Variants in CNTN4 observed in about 807,000 individuals in gnomAD.
CNTN4 encodes contactin-4.
A neutral mutation model predicts 122.5 loss-of-function variants in CNTN4; 77 were observed. The ratio of observed to expected loss-of-function variants is 0.63; its 90% confidence interval spans 0.52 to 0.76. The LOEUF (loss-of-function observed/expected upper bound fraction) is 0.76. Among genes scored for constraint, CNTN4 ranks in the 30% least tolerant of loss-of-function variants. The pLI is 0.00. For synonymous variants in CNTN4, 512 were observed against 447.0 expected, an observed-to-expected ratio of 1.15 and a Z score of -1.83; for missense variants, 1,256 against 1,259.1, an observed-to-expected ratio of 1.00 and a Z score of 0.04.
intron 13 of CNTN4, among the ~76,000 whole-genome samples, chr3:2,939,349 A>C (rs1441830772): frequency 2.0e-5 from 3 of 152,072 alleles, no homozygotes; most frequent in Non-Finnish European, 4.4e-5. Flanking sequence ...GACTCCATTA[A>C]ATAGAGTAGG....
chr3:2,450,622 C>T (rs546951829), intron 3 of CNTN4, among the ~76,000 whole-genome samples: 54 of 151,656 alleles, frequency 3.6e-4, no homozygotes, highest in Middle Eastern at 3.4e-3. Context: ...AGGTTTTTAC[C>T]GGTTAAAAAA....
intron 2 of CNTN4, among the ~76,000 whole-genome samples, chr3:2,175,751 G>T (rs1167638447): frequency 6.6e-6 from 1 of 152,098 alleles, no homozygotes; most frequent in Non-Finnish European, 1.5e-5. Context: ...CTGGCTAACT[G>T]GTGTGTTGAA....
At chr3:2,354,353 A>G (rs746231578) in intron 3 of CNTN4, among the ~76,000 whole-genome samples, 1 of 152,150 alleles carries the variant, frequency 6.6e-6, no homozygotes, top group African/African-American at 2.4e-5. Context: ...CAATGTGGCG[A>G]AACCCCATCT....
chr3:2,745,874 G>A (rs2089723448), intron 6 of CNTN4, among the ~76,000 whole-genome samples, 177 bp downstream of exon 6: 1 of 152,120 alleles, frequency 6.6e-6, no homozygotes. Flanking sequence ...GTAAATCTAA[G>A]TGAGAAGATG....
rs755122975 is a variant in CNTN4 at position 2,746,024 on chromosome 3, A to ACC, written c.358+328_358+329insCC. The stretch of plus-strand genomic sequence containing the variant: ...TATGTAAACAACAAATTTGACACCC[A>ACC]CACACACCCACACACACACATTTTA... On this transcript the variant is annotated intron_variant, in intron 6 of 24. Coordinates refer to ENST00000418658, the MANE Select transcript of CNTN4 (RefSeq NM_175607.3). Among the ~76,000 whole-genome samples, 233 of 133,592 alleles carry ACC rather than the reference A, an allele frequency of 1.7e-3. 29 individuals are homozygous for ACC. Among genetic ancestry groups the ACC allele is most frequent in the Middle Eastern group, 4.0e-3 (1 of 250 alleles). 87.6% of individuals were successfully genotyped at this position (133,592 alleles called of 152,430 possible).
At chr3:2,492,951 G>A (rs1428348361) in intron 3 of CNTN4, among the ~76,000 whole-genome samples, 2 of 152,004 alleles carry the variant, frequency 1.3e-5, no homozygotes, top group Non-Finnish European at 2.9e-5. Context: ...TTAATTCTAT[G>A]AACATAAAAA....
intron 6 of CNTN4, among the ~76,000 whole-genome samples, chr3:2,768,650 G>T (rs574015055): frequency 6.6e-6 from 1 of 152,106 alleles, no homozygotes; most frequent in South Asian, 2.1e-4. Context: ...AATTGTCACC[G>T]TGTCCACAGA....
At chr3:2,323,672 G>C (rs886179889) in intron 2 of CNTN4, among the ~76,000 whole-genome samples, 1 of 151,990 alleles carries the variant, frequency 6.6e-6, no homozygotes, top group Admixed American at 6.5e-5. Context: ...GCAGAATTTG[G>C]TCAAAGCAAC....
chr3:2,244,675 T>G (rs571126489), intron 2 of CNTN4, among the ~76,000 whole-genome samples: 1 of 152,164 alleles, frequency 6.6e-6, no homozygotes, highest in South Asian at 2.1e-4. Context: ...ATATTTCCAT[T>G]GGACAGTCCT....
At chr3:2,463,352 C>T (rs2049299270) in intron 3 of CNTN4, among the ~76,000 whole-genome samples, 1 of 152,152 alleles carries the variant, frequency 6.6e-6, no homozygotes, top group African/African-American at 2.4e-5. Context: ...GTGGGAGGAC[C>T]TACCAATTTA....
At chr3:2,612,393 T>G (rs1194750623) in intron 4 of CNTN4, among the ~76,000 whole-genome samples, 5 of 152,078 alleles carry the variant, frequency 3.3e-5, no homozygotes, top group African/African-American at 1.2e-4. Flanking sequence ...GTACAGAAAC[T>G]TAAAAACAAA....
intron 2 of CNTN4, among the ~76,000 whole-genome samples, chr3:2,169,319 C>T (rs2727933): frequency 0.7 from 106,691 of 152,074 alleles, 37,659 homozygotes; most frequent in Admixed American, 0.75. Flanking sequence ...ATAAATTCCA[C>T]ATCTCTATTT....
chr3:2,561,622 C>G (rs1418577621), intron 3 of CNTN4, among the ~76,000 whole-genome samples: 3 of 151,994 alleles, frequency 2.0e-5, no homozygotes, highest in Non-Finnish European at 4.4e-5. Flanking sequence ...TAGCAGAATC[C>G]AATTATATGG....
intron 3 of CNTN4, among the ~76,000 whole-genome samples, chr3:2,496,709 G>T (rs563068545): frequency 4.3e-4 from 65 of 152,280 alleles, no homozygotes; most frequent in African/African-American, 1.4e-3. Flanking sequence ...AGTCACTAAG[G>T]AAGGTCCAGG....
intron 2 of CNTN4, among the ~76,000 whole-genome samples, chr3:2,252,883 T>C (rs1047208123): frequency 6.6e-6 from 1 of 152,152 alleles, no homozygotes; most frequent in Admixed American, 6.5e-5. Context: ...TGCTTTTTGG[T>C]ACGTTTTCTT....
chr3:2,633,824 G>T (rs575285569), intron 4 of CNTN4, among the ~76,000 whole-genome samples: 16 of 152,166 alleles, frequency 1.1e-4, no homozygotes, highest in Admixed American at 2.0e-4. Flanking sequence ...AGGAAGAAAA[G>T]CATTTGCTCG....
intron 3 of CNTN4, among the ~76,000 whole-genome samples, chr3:2,342,720 C>A (rs991875337): frequency 6.6e-6 from 1 of 152,168 alleles, no homozygotes; most frequent in African/African-American, 2.4e-5. Flanking sequence ...GCTTCTCCTT[C>A]CACCATGATT....
At chr3:2,611,928 A>G (rs1335874490) in intron 4 of CNTN4, among the ~76,000 whole-genome samples, 1 of 152,118 alleles carries the variant, frequency 6.6e-6, no homozygotes, top group Non-Finnish European at 1.5e-5. Flanking sequence ...GAGACACACT[A>G]CTAGGTGGCC....
At chr3:2,205,579 G>A (rs943088970) in intron 2 of CNTN4, among the ~76,000 whole-genome samples, 4 of 151,876 alleles carry the variant, frequency 2.6e-5, no homozygotes, top group Non-Finnish European at 5.9e-5. Context: ...CTCCCAAAGG[G>A]CAGAGATGAT....
Sources: allele counts gnomAD v4.1 joint callset (sites outside exome capture counted in the v4.1 genomes callset), GRCh38; gene constraint gnomAD v4.1.1; transcripts MANE v1.5; gene names NCBI Gene and HGNC (gene_info 2026-07-23, HGNC 2026-07-21).